Variants in C2CD2 observed in about 807,000 individuals in gnomAD.
The protein encoded by C2CD2 is C2 calcium dependent domain containing 2, also known as C2 domain-containing protein 2.
C2CD2 carries 43 observed loss-of-function variants against 74.3 expected under a neutral mutation model. The ratio of observed to expected loss-of-function variants is 0.58; its 90% CI spans 0.45 to 0.75. The LOEUF is 0.75. Ranked by LOEUF, C2CD2 falls within the 30% of genes least tolerant of loss-of-function variation. The pLI is 0.00. For missense variants in C2CD2, 801 were observed against 916.3 expected (o/e 0.87, Z 1.63); for synonymous variants, 422 against 390.7 (o/e 1.08, Z -0.94).
rs751512374 is a variant in C2CD2 at position 41,907,013 on chromosome 21, T to C, written c.1297A>G (p.Arg433Gly). 3.1e-6 allele frequency: 5 copies of C among 1,613,686 alleles called. No homozygotes were observed. Among genetic ancestry groups the C allele is most frequent in the Admixed American group, 1.7e-5 (1 of 60,004 alleles). Residue 433 changes from arginine to glycine, a missense_variant, in exon 10 of 14, where the codon AGG becomes GGG. Transcript: ENST00000380486. ...VKTKPRVDVGRASPLSSDSPV... is the reference protein window; with the variant it reads ...VKTKPRVDVGGASPLSSDSPV... The stretch of plus-strand genomic sequence containing the variant: ...TCACCAGAGCTCAGCGGGGACGCCC[T>C]CCCCACGTCGACGCGAGGCTTGGTC...
chr21:41,927,219 G>A (rs895665660), intron 2 of C2CD2, among the ~76,000 whole-genome samples: 2 of 152,158 alleles, frequency 1.3e-5, no homozygotes, highest in Non-Finnish European at 2.9e-5. Context: ...AAGCTGAAGT[G>A]CAGTGGCACA....
chr21:41,900,143 G>A (rs1386601257), intron 12 of C2CD2, among the ~76,000 whole-genome samples: 4 of 152,030 alleles, frequency 2.6e-5, no homozygotes, highest in Admixed American at 6.5e-5. Context: ...TCGTAGTGGC[G>A]GGCGCCTGTA....
intron 13 of C2CD2, among the ~76,000 whole-genome samples, 155 bp from the exon 14 acceptor site, chr21:41,889,499 T>C (rs13050556): frequency 0.35 from 52,457 of 151,920 alleles, 10,801 homozygotes; most frequent in Non-Finnish European, 0.46. Flanking sequence ...ATGAGAAAAA[T>C]AACTGGAATC....
In C2CD2 at chr21:41,895,377, G is replaced by A. The variant is rs937618740; in HGVS notation, c.1870+3676C>T. On this transcript the variant is annotated intron_variant, in intron 13 of 13. Coordinates refer to ENST00000380486, the MANE Select transcript of C2CD2 (RefSeq NM_015500.2). The surrounding 1 kb of genome is among the most constrained non-coding windows in gnomAD (Gnocchi z 5.0). ...GCTTGACTTTGAGCCCGCAGAATGT[G>A]TTGCCCTTTGCTGATAGTGAAGTTC... 2.0e-5 allele frequency among the ~76,000 whole-genome samples: 3 copies of A among 152,190 alleles called. No homozygotes were observed. Among genetic ancestry groups the A allele is most frequent in the Admixed American group, 6.5e-5 (1 of 15,286 alleles).
intron 5 of C2CD2, among the ~76,000 whole-genome samples, chr21:41,917,346 A>C (rs554619534): frequency 6.6e-6 from 1 of 152,372 alleles, no homozygotes; most frequent in East Asian, 1.9e-4. Context: ...AAAGATGGAC[A>C]TTATAATAAA....
rs756947402 is a variant in C2CD2 at position 41,909,538 on chromosome 21, C to A, written c.954-15G>T. On this transcript the variant is annotated splice_polypyrimidine_tract_variant and intron_variant, in intron 7 of 13. Transcript: ENST00000380486. The stretch of plus-strand genomic sequence containing the variant: ...CATTCAACTCGCTTTGGAAGAGAAA[C>A]AAGTTATGAGTCCTAAAAAATGCAA... 6.3e-7 allele frequency: 1 copy of A among 1,586,204 alleles called. No homozygotes were observed. The highest frequency in any genetic ancestry group is 1.1e-5 in the South Asian group (1 of 90,490).
chr21:41,887,270 T>C lies in C2CD2; in HGVS notation c.*1854A>G, dbSNP rs2064694889. 6.6e-6 allele frequency: 1 copy of C among 152,230 alleles called. No individual in the cohort carries two copies. Among genetic ancestry groups the C allele is most frequent in the Non-Finnish European group, 1.5e-5 (1 of 68,040 alleles). 9.4% of individuals were successfully genotyped at this position (152,230 alleles called of 1,614,324 possible). On this transcript the variant is annotated 3_prime_UTR_variant, in exon 14 of 14. Transcript: ENST00000380486. ...GAAACTTGGTAGTATTCACATGTTTTGAAACTCCAGGTGCTTTTTTTACAA... is the reference window on the plus strand; with the variant it reads ...GAAACTTGGTAGTATTCACATGTTTCGAAACTCCAGGTGCTTTTTTTACAA...
In C2CD2 at chr21:41,888,523, G is replaced by GAT. The variant is rs2064709735; in HGVS notation, c.*600_*601insAT. 6.4e-6 allele frequency: 1 copy of GAT among 156,032 alleles called. No homozygotes were observed. Among genetic ancestry groups the GAT allele is most frequent in the African/African-American group, 2.4e-5 (1 of 41,464 alleles). The allele number at this position is 156,032 out of a possible 1,614,324, so 9.7% of individuals were successfully genotyped here. ...TTCAAGTTCTATGGCTAATATCAAAGGTAGATGACTTCCTACATCTGTCGT... is the reference window on the plus strand; with the variant it reads ...TTCAAGTTCTATGGCTAATATCAAAGATGTAGATGACTTCCTACATCTGTCGT... On this transcript the variant is annotated 3_prime_UTR_variant, in exon 14 of 14. Coordinates refer to ENST00000380486, the MANE Select transcript of C2CD2 (RefSeq NM_015500.2).
intron 13 of C2CD2, among the ~76,000 whole-genome samples, chr21:41,896,811 C>T (rs1398694351): frequency 6.6e-6 from 1 of 151,748 alleles, no homozygotes; most frequent in African/African-American, 2.4e-5. Context: ...TGACTTGGCA[C>T]CCATAACACA....
rs775234008 is a variant in C2CD2, at chr21:41,914,695, A to G, written c.747T>C (p.Ala249=). The change falls in exon 6 of 14, where the codon GCT becomes GCC. Residue 249 remains alanine, a synonymous_variant. Coordinates refer to ENST00000380486, the MANE Select transcript of C2CD2 (RefSeq NM_015500.2). ...GAGGTTTAGGAGGACAGGATTCCTG[A>G]GCAGTAGATGCAGCACACTGTAAGT... ...AQNLQCAAST[A]QESCPPKPPR... is the part of the protein sequence containing the mutation. 2 of 1,613,696 alleles carry G rather than the reference A, an allele frequency of 1.2e-6. No homozygotes were observed. Among genetic ancestry groups the G allele is most frequent in the Non-Finnish European group, 1.7e-6 (2 of 1,179,674 alleles).
intron 13 of C2CD2, among the ~76,000 whole-genome samples, chr21:41,889,742 C>G (rs2064728042): frequency 6.6e-6 from 1 of 152,044 alleles, no homozygotes; most frequent in Admixed American, 6.6e-5. Context: ...AAGCGATTCT[C>G]CTGCCTCAGC....
At position 41,953,717 on chromosome 21, in the gene C2CD2, A is replaced by G. The variant is rs922440285; in HGVS notation, c.-69T>C. On this transcript the variant is annotated 5_prime_UTR_variant, in exon 1 of 14. Coordinates refer to ENST00000380486, the MANE Select transcript of C2CD2 (RefSeq NM_015500.2). The stretch of plus-strand genomic sequence containing the variant: ...CGGGCCGGAACGGCGGACTCAGGAC[A>G]CGCGCTGGCTGCGGCCACAGCGCGC... 3.2e-6 allele frequency: 4 copies of G among 1,261,160 alleles called. No individual in the cohort carries two copies. The African/African-American group carries it at 6.2e-5, about 20-fold the overall frequency. The allele number at this position is 1,261,160 out of a possible 1,614,324, so 78.1% of individuals were successfully genotyped here. A position where few individuals can be genotyped will look rare whatever the true frequency, so the allele number is the denominator to read the frequency against.
rs571257455 is a variant in C2CD2 at position 41,891,680 on chromosome 21, G to C, written c.1871-2336C>G. On this transcript the variant is annotated intron_variant, in intron 13 of 13. Coordinates refer to ENST00000380486, the MANE Select transcript of C2CD2 (RefSeq NM_015500.2). ...TCTTGGAGGCCCTGAAGGGCCTATG[G>C]ACAAGGGCTCCCAGGTGGAACAGGG... Among the ~76,000 whole-genome samples the C allele has an allele frequency of 8.5e-5, 13 of 152,278 alleles. No individual in the cohort carries two copies. The East Asian group carries it at 2.5e-3, about 29-fold the overall frequency.
chr21:41,900,772 T>G (rs1408698222), intron 12 of C2CD2, among the ~76,000 whole-genome samples: 1 of 150,362 alleles, frequency 6.7e-6, no homozygotes, highest in African/African-American at 2.4e-5. Flanking sequence ...TCTTCCCAAC[T>G]CTCCCTCCAC....
chr21:41,891,801 C>A (rs961253817), intron 13 of C2CD2, among the ~76,000 whole-genome samples: 1 of 152,058 alleles, frequency 6.6e-6, no homozygotes, highest in Non-Finnish European at 1.5e-5. Flanking sequence ...GAGGGAACGC[C>A]AACCCACCCC....
At chr21:41,917,670 G>A (rs183770113) in intron 5 of C2CD2, among the ~76,000 whole-genome samples, 6 of 152,310 alleles carry the variant, frequency 3.9e-5, no homozygotes, top group African/African-American at 7.2e-5. Context: ...CTCCTTTATC[G>A]TGTGCCTCCA....
intron 1 of C2CD2, among the ~76,000 whole-genome samples, chr21:41,949,424 A>T (rs2065431845): frequency 6.6e-6 from 1 of 152,222 alleles, no homozygotes. Flanking sequence ...GAGTGATCAC[A>T]TCAATGGGAA....
Position 41,888,370 on chromosome 21 carries a change from T to C in C2CD2, c.*754A>G, listed in dbSNP as rs948011018. On this transcript the variant is annotated 3_prime_UTR_variant, in exon 14 of 14. Transcript: ENST00000380486. ...ATGTCAACTGCTCCACTAGCATTAT[T>C]AGAGCTTTTAACACGATAGAGAAAA... 1 of 152,596 alleles carries C rather than the reference T, an allele frequency of 6.6e-6. No homozygotes were observed. The highest frequency in any genetic ancestry group is 2.4e-5 in the African/African-American group (1 of 41,442). 9.5% of individuals were successfully genotyped at this position (152,596 alleles called of 1,614,324 possible).
Position 41,889,287 on chromosome 21 carries a change from T to C in C2CD2, c.1928A>G (p.Asp643Gly), listed in dbSNP as rs2064719841. Reference sequence around the variant, plus strand: ...ATTGTGTGACTGACTCATGCCTGGGTCTTTCTGTTGATGCCGCCGGCGGAA... The same window carrying C: ...ATTGTGTGACTGACTCATGCCTGGGCCTTTCTGTTGATGCCGCCGGCGGAA... ...LFFRRRHQQKDPGMSQSHNDL... is the reference protein window; with the variant it reads ...LFFRRRHQQKGPGMSQSHNDL... The change falls in exon 14 of 14, where the codon GAC (aspartate) becomes GGC (glycine). Residue 643 changes from aspartate to glycine, a missense_variant. Asp to Gly is a moderately conservative substitution (Grantham distance 94). Transcript: ENST00000380486. 1 of 1,614,076 alleles carries C rather than the reference T, an allele frequency of 6.2e-7. No homozygotes were observed. Among genetic ancestry groups the C allele is most frequent in the South Asian group, 1.1e-5 (1 of 91,056 alleles).
Sources: allele counts gnomAD v4.1 joint callset (sites outside exome capture counted in the v4.1 genomes callset), GRCh38; gene constraint gnomAD v4.1.1; non-coding constraint Gnocchi (gnomAD v3.1); transcripts MANE v1.5; gene names NCBI Gene and HGNC (gene_info 2026-07-23, HGNC 2026-07-21).